Variants in DOCK5 observed in about 807,000 individuals in gnomAD.
DOCK5 encodes the protein dedicator of cytokinesis protein 5.
In DOCK5, 142 loss-of-function variants were observed where a neutral mutation model predicts 251.8. That is an observed-to-expected ratio of 0.56 (90% CI 0.49 to 0.65). DOCK5 has a LOEUF of 0.65. Ranked by LOEUF, DOCK5 falls within the 30% of genes least tolerant of loss-of-function variation. DOCK5 has a pLI of 0.00. For missense variants in DOCK5, 2,111 were observed against 2,312.3 expected (o/e 0.91, Z 1.79); for synonymous variants, 842 against 835.5 (o/e 1.01, Z -0.13).
In DOCK5 at chr8:25,399,928, G is replaced by T. The variant is rs1453188583; in HGVS notation, c.4722G>T (p.Lys1574Asn). Residue 1574 changes from lysine (K) to asparagine (N), a missense_variant, in exon 46 of 52, where the codon AAG becomes AAT. Transcript: ENST00000276440. ...SNYEKAFFTE[K>N]YLQEHPEDQE... ...TTTTTTAGGCTTTTTTTACAGAAAA[G>T]TACTTGCAGGAGCATCCTGAAGACC... The T allele has an allele frequency of 2.5e-6, 4 of 1,613,308 alleles. No homozygotes were observed. The highest frequency in any genetic ancestry group is 3.4e-6 in the Non-Finnish European group (4 of 1,179,644).
At chr8:25,396,858 A>T (rs574029250) in intron 45 of DOCK5, among the ~76,000 whole-genome samples, 1 of 151,392 alleles carries the variant, frequency 6.6e-6, no homozygotes, top group Non-Finnish European at 1.5e-5. Context: ...CTGGCTTCCA[A>T]TTGGCCACTG....
chr8:25,245,341 T>TCA (rs1385781576), intron 2 of DOCK5, among the ~76,000 whole-genome samples: 1 of 152,072 alleles, frequency 6.6e-6, no homozygotes, highest in Admixed American at 6.5e-5. Context: ...CAGGTGTGAG[T>TCA]CACTGCGCCC....
chr8:25,408,119 G>A lies in DOCK5; in HGVS notation c.5230G>A (p.Val1744Ile). The A allele has an allele frequency of 6.3e-7, 1 of 1,597,860 alleles. No individual in the cohort carries two copies. The highest frequency in any genetic ancestry group is 8.5e-7 in the Non-Finnish European group (1 of 1,172,136). The change falls in exon 49 of 52, where the codon GTC becomes ATC. Residue 1744 changes from valine (V) to isoleucine (I), a missense_variant. Around this residue, in one of 3 missense-constraint regions of DOCK5, gnomAD observed 1,717 missense variants for 1,892.4 expected, o/e 0.91. Coordinates refer to ENST00000276440, the MANE Select transcript of DOCK5 (RefSeq NM_024940.8). ...AGACTGGAGTCTGAGCAAGTCCCAG[G>A]TCATTGCAGAGAAAGCACCAGAACC... The part of the protein sequence containing the change: ...RKDWSLSKSQ[V>I]IAEKAPEPDL...
chr8:25,243,795 GA>G, intron 2 of DOCK5, 38 bp downstream of exon 2: 2 of 1,590,908 alleles, frequency 1.3e-6, no homozygotes, highest in South Asian at 2.2e-5. Flanking sequence ...GAGGGCAAGG[GA>G]AAAACAGTGT....
At chr8:25,252,264 A>T (rs1803292434) in intron 2 of DOCK5, among the ~76,000 whole-genome samples, 1 of 152,216 alleles carries the variant, frequency 6.6e-6, no homozygotes, top group Non-Finnish European at 1.5e-5. Context: ...CAAGAGAGAG[A>T]CAAAAGATTC....
At chr8:25,403,747 G>A (rs754057119) in intron 48 of DOCK5, 23 bp downstream of exon 48, 1 of 1,612,142 alleles carries the variant, frequency 6.2e-7, no homozygotes, top group East Asian at 2.2e-5. Context: ...TCTTTAATCT[G>A]CAGGAAGGGT....
intron 1 of DOCK5, among the ~76,000 whole-genome samples, chr8:25,205,234 G>A (rs1801972843): frequency 6.6e-6 from 1 of 151,582 alleles, no homozygotes; most frequent in African/African-American, 2.4e-5. Context: ...CCTCTCTCTC[G>A]CTCTTGCTGT....
chr8:25,270,575 A>G lies in DOCK5; in HGVS notation c.168+1690A>G, dbSNP rs537633253. The stretch of plus-strand genomic sequence containing the variant: ...AAGTTAATTTAAAAACAATAAACAA[A>G]AAGCCATTCTCAAACAAAATTATGT... On this transcript the variant is annotated intron_variant, in intron 3 of 51. Coordinates refer to ENST00000276440, the MANE Select transcript of DOCK5 (RefSeq NM_024940.8). 1.1e-4 allele frequency among the ~76,000 whole-genome samples: 17 copies of G among 152,338 alleles called. No homozygotes were observed. In the South Asian group the frequency reaches 3.3e-3, roughly 30 times the overall value.
chr8:25,267,685 C>T (rs1017911706), intron 2 of DOCK5, among the ~76,000 whole-genome samples: 1 of 152,102 alleles, frequency 6.6e-6, no homozygotes, highest in Non-Finnish European at 1.5e-5. Flanking sequence ...GGCAAGATGA[C>T]CACACTGATG....
At chr8:25,361,705 A>G (rs941537459) in intron 28 of DOCK5, among the ~76,000 whole-genome samples, 3 of 152,198 alleles carry the variant, frequency 2.0e-5, no homozygotes, top group African/African-American at 7.2e-5. Context: ...GAGGGTGGGT[A>G]TGTCTAACTC....
chr8:25,350,312 AAGCAAG>A (rs1800443736), intron 26 of DOCK5, among the ~76,000 whole-genome samples: 1 of 152,126 alleles, frequency 6.6e-6, no homozygotes, highest in Non-Finnish European at 1.5e-5. Context: ...ATCTATCATA[AAGCAAG>A]GACAGATAGA....
chr8:25,226,670 C>G (rs1378923637), intron 1 of DOCK5, among the ~76,000 whole-genome samples: 1 of 151,590 alleles, frequency 6.6e-6, no homozygotes, highest in Non-Finnish European at 1.5e-5. Flanking sequence ...CCTGCAAGCT[C>G]CGCCTCCTGG....
At chr8:25,241,817 C>T (rs1352542116) in intron 1 of DOCK5, among the ~76,000 whole-genome samples, 1 of 147,252 alleles carries the variant, frequency 6.8e-6, no homozygotes, top group Non-Finnish European at 1.5e-5. Context: ...GAATACTATG[C>T]AACCATAAAA....
In DOCK5 at chr8:25,184,780, G is replaced by A. The variant is rs933895180; in HGVS notation, c.-129G>A. The A allele has an allele frequency of 4.6e-6, 4 of 869,524 alleles. No homozygotes were observed. The highest frequency in any genetic ancestry group is 5.7e-5 in the South Asian group (1 of 17,474). The allele number at this position is 869,524 out of a possible 1,614,324, so 53.9% of individuals were successfully genotyped here. A position where few individuals can be genotyped will look rare whatever the true frequency, so the allele number is the denominator to read the frequency against. ...CGGCGCGGCGAGGAGGCGGCCCGCG[G>A]AGTCCAGCGAAGTTTGGCGGAACAT... is the stretch of plus-strand genomic sequence containing the variant. On this transcript the variant is annotated 5_prime_UTR_variant, in exon 1 of 52. Coordinates refer to ENST00000276440, the MANE Select transcript of DOCK5 (RefSeq NM_024940.8).
Position 25,374,552 on chromosome 8 carries a change from C to A in DOCK5, c.3726-12C>A, listed in dbSNP as rs758735639. ...CGAGTGACAAAATGCTTCCTTCTCC[C>A]CTTCTTGCCAGATATCTGTACAAGC... is the stretch of plus-strand genomic sequence containing the variant. On this transcript the variant is annotated splice_polypyrimidine_tract_variant and intron_variant, in intron 36 of 51. Transcript: ENST00000276440. 6.3e-7 allele frequency: 1 copy of A among 1,593,228 alleles called. No homozygotes were observed. Among genetic ancestry groups the A allele is most frequent in the South Asian group, 1.1e-5 (1 of 88,592 alleles).
At chr8:25,311,719 C>T (rs950499403) in intron 13 of DOCK5, among the ~76,000 whole-genome samples, 1 of 151,530 alleles carries the variant, frequency 6.6e-6, no homozygotes, top group South Asian at 2.1e-4. Flanking sequence ...GTCAGGACTT[C>T]GAGTCCAGCC....
At chr8:25,349,444 T>G (rs1290472966) in intron 26 of DOCK5, among the ~76,000 whole-genome samples, 1 of 152,178 alleles carries the variant, frequency 6.6e-6, no homozygotes, top group Non-Finnish European at 1.5e-5. Flanking sequence ...AAATAAGTCA[T>G]TATATGAAAA....
chr8:25,245,888 C>G (rs182363205), intron 2 of DOCK5, among the ~76,000 whole-genome samples: 1 of 152,114 alleles, frequency 6.6e-6, no homozygotes, highest in Non-Finnish European at 1.5e-5. Flanking sequence ...AGTCATTTTT[C>G]AGGTTTGCTA....
chr8:25,388,289 A>G (rs1443419321), intron 40 of DOCK5, among the ~76,000 whole-genome samples: 2 of 152,198 alleles, frequency 1.3e-5, no homozygotes, highest in Non-Finnish European at 2.9e-5. Context: ...ACATTTTACA[A>G]GACAACCTGG....
Sources: gnomAD v4.1 joint callset for allele counts (sites outside exome capture counted in the v4.1 genomes callset) on GRCh38, gnomAD v4.1.1 for gene constraint, gnomAD v4.1.1 regional missense constraint, MANE v1.5 for transcripts, NCBI Gene and HGNC (gene_info 2026-07-23, HGNC 2026-07-21) for gene names.